The following PCNX1 variants were observed in gnomAD, a reference collection of about 807,000 sequenced individuals.
PCNX1 encodes the protein pecanex 1.
PCNX1 carries 78 observed loss-of-function variants against 242.2 expected under a neutral mutation model. That is an observed-to-expected ratio of 0.32 (90% CI 0.27 to 0.39). The LOEUF is 0.39. Ranked by LOEUF, PCNX1 falls within the 10% of genes least tolerant of loss-of-function variation. The pLI is 1.00. For missense variants in PCNX1, 2,581 were observed against 2,856.5 expected, an observed-to-expected ratio of 0.90 and a Z score of 2.20; for synonymous variants, 1,024 against 1,032.9, an observed-to-expected ratio of 0.99 and a Z score of 0.17.
At chr14:70,946,807 T>A in intron 1 of PCNX1, 108 bp from the exon 2 acceptor site, 1 of 811,478 alleles carries the variant, frequency 1.2e-6, no homozygotes, top group Non-Finnish European at 1.9e-6. Flanking sequence ...AGTAACATAG[T>A]TGTTGCTTTG....
intron 28 of PCNX1, among the ~76,000 whole-genome samples, chr14:71,079,026 T>G (rs186878513): frequency 9.2e-5 from 14 of 152,158 alleles, no homozygotes; most frequent in Non-Finnish European, 1.6e-4. Flanking sequence ...CAGGCCCCGG[T>G]GTGTGATGTT....
chr14:71,061,790 T>C (rs1744746097), intron 26 of PCNX1, among the ~76,000 whole-genome samples: 1 of 152,108 alleles, frequency 6.6e-6, no homozygotes, highest in Non-Finnish European at 1.5e-5. Flanking sequence ...ACTTTAACCA[T>C]GGTGTGGACA....
Position 71,113,475 on chromosome 14 carries a change from A to G in PCNX1, c.*3540A>G, listed in dbSNP as rs1332612745. ...TTTCCATCACATACCAAAATATAAA[A>G]ATCAGCCTCACATTTTTCAGCAAGT... is the stretch of plus-strand genomic sequence containing the variant. On this transcript the variant is annotated 3_prime_UTR_variant, in exon 36 of 36. Coordinates refer to ENST00000304743, the MANE Select transcript of PCNX1 (RefSeq NM_014982.3). The G allele has an allele frequency of 6.6e-6, 1 of 152,646 alleles. No homozygotes were observed. Among genetic ancestry groups the G allele is most frequent in the Non-Finnish European group, 1.5e-5 (1 of 68,044 alleles). 9.5% of individuals were successfully genotyped at this position (152,646 alleles called of 1,614,324 possible).
Position 71,101,970 on chromosome 14 carries a change from T to C in PCNX1, c.5590-20T>C, listed in dbSNP as rs2062475928. On this transcript the variant is annotated intron_variant, in intron 30 of 35. Coordinates refer to ENST00000304743, the MANE Select transcript of PCNX1 (RefSeq NM_014982.3). ...TCTTTTATTTTCCTTTAAAAATTTA[T>C]ATATTATTTTTGTATTTAGGATCAT... 6 of 1,344,534 alleles carry C rather than the reference T, an allele frequency of 4.5e-6. No individual in the cohort carries two copies. Among genetic ancestry groups the C allele is most frequent in the African/African-American group, 1.5e-5 (1 of 67,266 alleles). The allele number at this position is 1,344,534 out of a possible 1,614,324, so 83.3% of individuals were successfully genotyped here. A position where few individuals can be genotyped will look rare whatever the true frequency, so the allele number is the denominator to read the frequency against.
intron 35 of PCNX1, 68 bp from the exon 36 acceptor site, chr14:71,109,727 G>A: frequency 8.9e-6 from 14 of 1,573,876 alleles, no homozygotes; most frequent in Non-Finnish European, 1.2e-5. Flanking sequence ...ATCCTAGGTA[G>A]GGGTAAGAGT....
intron 26 of PCNX1, among the ~76,000 whole-genome samples, chr14:71,061,919 A>T (rs544725771): frequency 1.3e-5 from 2 of 152,146 alleles, no homozygotes; most frequent in Non-Finnish European, 2.9e-5. Context: ...AAACAGCTAG[A>T]GAAGAAAAAG....
chr14:70,916,434 GAGTAC>G (rs2056155942), intron 1 of PCNX1, among the ~76,000 whole-genome samples: 1 of 152,168 alleles, frequency 6.6e-6, no homozygotes, highest in Admixed American at 6.5e-5. Flanking sequence ...CAGGGAAAGA[GAGTAC>G]AGGCGTACCT....
At position 71,046,785 on chromosome 14, in the gene PCNX1, T is replaced by C. The variant is rs79621213; in HGVS notation, c.4019-179T>C. Among the ~76,000 whole-genome samples the C allele has an allele frequency of 2.5e-3, 378 of 152,240 alleles. 1 individual carries two copies. The highest frequency in any genetic ancestry group is 8.6e-3 in the African/African-American group (356 of 41,584). Reference sequence around the variant, plus strand: ...ATCTAAATGTTAAATCATGTCTAAGTTGCAAATTTGTAAGTATCTCAGAGC... The same window carrying C: ...ATCTAAATGTTAAATCATGTCTAAGCTGCAAATTTGTAAGTATCTCAGAGC... On this transcript the variant is annotated intron_variant, in intron 20 of 35. Coordinates refer to ENST00000304743, the MANE Select transcript of PCNX1 (RefSeq NM_014982.3).
intron 32 of PCNX1, 98 bp from the exon 33 acceptor site, chr14:71,105,137 T>G: frequency 2.4e-6 from 2 of 843,158 alleles, no homozygotes; most frequent in African/African-American, 3.3e-5. Flanking sequence ...AGGTGAACAT[T>G]AGTAGCATTT....
chr14:71,053,148 T>C, intron 24 of PCNX1: 1 of 395,008 alleles, frequency 2.5e-6, no homozygotes. Flanking sequence ...ATTTCCCATT[T>C]TGGTGAATTT....
chr14:71,076,898 GA>G (rs35345519), intron 28 of PCNX1, among the ~76,000 whole-genome samples: 1 of 152,214 alleles, frequency 6.6e-6, no homozygotes, highest in Non-Finnish European at 1.5e-5. Flanking sequence ...TAGTACAACT[GA>G]AAAGCCGAAT....
chr14:71,017,831 T>TTGG (rs2059999036), intron 11 of PCNX1, among the ~76,000 whole-genome samples: 1 of 152,234 alleles, frequency 6.6e-6, no homozygotes, highest in Non-Finnish European at 1.5e-5. Flanking sequence ...TTGGAAATAC[T>TTGG]ATTGAACTTT....
At chr14:70,990,839 T>G (rs2059142881) in intron 7 of PCNX1, among the ~76,000 whole-genome samples, 1 of 152,216 alleles carries the variant, frequency 6.6e-6, no homozygotes, top group African/African-American at 2.4e-5. Flanking sequence ...AGTCTCAACA[T>G]GTAGAAAGAG....
intron 27 of PCNX1, among the ~76,000 whole-genome samples, chr14:71,075,822 G>T (rs1302797154): frequency 6.6e-6 from 1 of 151,992 alleles, no homozygotes; most frequent in Non-Finnish European, 1.5e-5. Flanking sequence ...GGAGATAGAG[G>T]TTGCAGTGAG....
chr14:71,106,569 G>A lies in PCNX1; in HGVS notation c.6301+1129G>A, dbSNP rs1217734864. On this transcript the variant is annotated intron_variant, in intron 33 of 35. Coordinates refer to ENST00000304743, the MANE Select transcript of PCNX1 (RefSeq NM_014982.3). ...AAGGTTTTTTTTTTTTTTTAAACCA[G>A]TTGGTACTCTCACCAGTCCTATCAA... Among the ~76,000 whole-genome samples, 3 of 149,132 alleles carry A rather than the reference G, an allele frequency of 2.0e-5. No homozygotes were observed. In the East Asian group the frequency reaches 5.9e-4, roughly 29 times the overall value.
At chr14:70,908,354 C>A (rs766080636) in intron 1 of PCNX1, among the ~76,000 whole-genome samples, 25 of 152,202 alleles carry the variant, frequency 1.6e-4, no homozygotes, top group Non-Finnish European at 3.1e-4. Context: ...AGGCGCCGAG[C>A]GCTCTGCGGC....
chr14:70,989,968 A>G (rs550049815), intron 7 of PCNX1, among the ~76,000 whole-genome samples: 8 of 152,370 alleles, frequency 5.3e-5, no homozygotes, highest in Admixed American at 3.9e-4. Context: ...TTTCAAATTC[A>G]AAAGGAAGAA....
intron 9 of PCNX1, among the ~76,000 whole-genome samples, chr14:71,010,785 G>C (rs2059801539): frequency 6.6e-6 from 1 of 151,976 alleles, no homozygotes; most frequent in African/African-American, 2.4e-5. Flanking sequence ...TCTGTGGGCT[G>C]TTTACTTATT....
intron 30 of PCNX1, among the ~76,000 whole-genome samples, chr14:71,094,800 C>T (rs1555378284): frequency 1.3e-5 from 2 of 152,128 alleles, no homozygotes; most frequent in African/African-American, 2.4e-5. Flanking sequence ...GGCAAGGTAT[C>T]GCATGCCTTT....
Sources: allele counts gnomAD v4.1 joint callset (sites outside exome capture counted in the v4.1 genomes callset), GRCh38; gene constraint gnomAD v4.1.1; transcripts MANE v1.5; gene names NCBI Gene and HGNC (gene_info 2026-07-23, HGNC 2026-07-21).